The following KIF16B variants were observed in gnomAD, a reference collection of about 807,000 sequenced individuals.
KIF16B encodes kinesin-like protein KIF16B.
KIF16B carries 98 observed loss-of-function variants against 156.3 expected under a neutral mutation model. That is an observed-to-expected ratio of 0.63 (90% CI 0.53 to 0.74). The LOEUF is 0.74. KIF16B is among the 30% of genes least tolerant of loss of function. KIF16B has a pLI of 0.00. For synonymous variants in KIF16B, 564 were observed against 583.7 expected, an observed-to-expected ratio of 0.97 and a Z score of 0.49; for missense variants, 1,421 against 1,606.5, an observed-to-expected ratio of 0.88 and a Z score of 1.97.
At chr20:16,330,627 A>T (rs1345131710) in intron 24 of KIF16B, among the ~76,000 whole-genome samples, 2 of 152,252 alleles carry the variant, frequency 1.3e-5, no homozygotes, top group African/African-American at 4.8e-5. Context: ...GATTCTGGAA[A>T]CCTGATAAGG....
At position 16,456,003 on chromosome 20, in the gene KIF16B, T is replaced by C. The variant is rs899428009; in HGVS notation, c.1303-26021A>G. Among the ~76,000 whole-genome samples the C allele has an allele frequency of 2.6e-5, 4 of 152,174 alleles. No homozygotes were observed. The East Asian group carries it at 5.8e-4, about 22-fold the overall frequency. ...CCTTGACAACACCTGAGATTATACA[T>C]GGCAACTTGCTTTCTAGGGCGTTTC... On this transcript the variant is annotated intron_variant, in intron 12 of 25. Coordinates refer to ENST00000354981, the MANE Select transcript of KIF16B (RefSeq NM_024704.5).
intron 12 of KIF16B, among the ~76,000 whole-genome samples, chr20:16,441,950 T>A (rs1319249380): frequency 2.0e-5 from 3 of 152,200 alleles, no homozygotes; most frequent in African/African-American, 7.2e-5. Flanking sequence ...TGGAAAGATC[T>A]ATCTATATTA....
At chr20:16,475,948 C>A (rs1035405792) in intron 12 of KIF16B, among the ~76,000 whole-genome samples, 1 of 152,212 alleles carries the variant, frequency 6.6e-6, no homozygotes, top group East Asian at 1.9e-4. Context: ...AAACTAGCTA[C>A]AAGAAGACAT....
Position 16,367,592 on chromosome 20 carries a change from C to A in KIF16B, c.3498+2994G>T, listed in dbSNP as rs767223084. The A allele has an allele frequency of 2.0e-5, 32 of 1,612,724 alleles. No individual in the cohort carries two copies. In the African/African-American group the frequency reaches 4.0e-4, roughly 20 times the overall value. On this transcript the variant is annotated intron_variant, in intron 22 of 25. Transcript: ENST00000354981. ...ACTGTTGTGTAGAGCAGTAACTGAA[C>A]TTCTGCCAGGGAAGGGACATTGACT...
chr20:16,406,100 C>T (rs556960213), intron 16 of KIF16B, among the ~76,000 whole-genome samples: 1 of 152,220 alleles, frequency 6.6e-6, no homozygotes. Context: ...AAAATGATGC[C>T]CAGTTCCTTG....
chr20:16,309,584 C>T (rs941989822), intron 25 of KIF16B, among the ~76,000 whole-genome samples: 9 of 152,146 alleles, frequency 5.9e-5, no homozygotes, highest in African/African-American at 2.2e-4. Flanking sequence ...AAACATTTTA[C>T]ACTTTTTGCT....
intron 17 of KIF16B, among the ~76,000 whole-genome samples, chr20:16,396,654 T>G (rs1372096589): frequency 1.3e-5 from 2 of 150,678 alleles, no homozygotes; most frequent in Non-Finnish European, 1.5e-5. Context: ...GTCGCTTTTT[T>G]TTTTTTTTTT....
intron 1 of KIF16B, among the ~76,000 whole-genome samples, chr20:16,547,071 C>G (rs1190682592): frequency 6.6e-6 from 1 of 152,194 alleles, no homozygotes. Flanking sequence ...GCCACCGCAC[C>G]CAGCTTTCAC....
chr20:16,517,098 C>T (rs62199807), intron 3 of KIF16B, among the ~76,000 whole-genome samples: 36,246 of 152,072 alleles, frequency 0.24, 4,946 homozygotes, highest in East Asian at 0.36. Context: ...ATCTCAGCTG[C>T]ACCTCAACCA....
chr20:16,320,966 T>C (rs911199095), intron 24 of KIF16B, among the ~76,000 whole-genome samples: 5 of 152,154 alleles, frequency 3.3e-5, no homozygotes, highest in African/African-American at 1.2e-4. Context: ...AGTTCAGCAA[T>C]TTCTTCAGTT....
intron 1 of KIF16B, among the ~76,000 whole-genome samples, chr20:16,535,245 T>C (rs2069913496): frequency 6.6e-6 from 1 of 152,210 alleles, no homozygotes; most frequent in Admixed American, 6.5e-5. Flanking sequence ...AGTATTTTTC[T>C]TTGATAGCTA....
In KIF16B at chr20:16,505,800, C is replaced by G. The variant is rs373271206; in HGVS notation, c.922G>C (p.Val308Leu). ...GTCAACACAGAATCCCTGTAAGGCA[C>G]GAAAACTTGCTTCTTCTTTGCAAGA... Reference protein sequence around the residue: ...NTLAKKKQVFVPYRDSVLTWL... With the variant: ...NTLAKKKQVFLPYRDSVLTWL... The change falls in exon 9 of 26, where the codon GTG becomes CTG. Residue 308 changes from valine to leucine, a missense_variant. Physicochemically the swap from Val to Leu is conservative, Grantham distance 32 (BLOSUM62 1). Coordinates refer to ENST00000354981, the MANE Select transcript of KIF16B (RefSeq NM_024704.5). 8 of 1,613,736 alleles carry G rather than the reference C, an allele frequency of 5.0e-6. No homozygotes were observed. Among genetic ancestry groups the G allele is most frequent in the East Asian group, 2.2e-5 (1 of 44,862 alleles).
chr20:16,392,257 C>T (rs2065385533), intron 17 of KIF16B, among the ~76,000 whole-genome samples: 2 of 152,146 alleles, frequency 1.3e-5, no homozygotes, highest in African/African-American at 4.8e-5. Flanking sequence ...AAATCATTAA[C>T]TATTATTCTA....
At chr20:16,303,345 A>C (rs1601529903) in intron 25 of KIF16B, among the ~76,000 whole-genome samples, 1 of 152,354 alleles carries the variant, frequency 6.6e-6, no homozygotes, top group African/African-American at 2.4e-5. Context: ...AACTGAGGAC[A>C]TATTACAGAC....
chr20:16,365,603 T>C (rs2064646554), intron 22 of KIF16B, among the ~76,000 whole-genome samples: 1 of 151,954 alleles, frequency 6.6e-6, no homozygotes, highest in South Asian at 2.1e-4. Flanking sequence ...TAGAGGAAAA[T>C]AGGTGGGAAT....
chr20:16,331,241 T>G (rs149965564), intron 24 of KIF16B, among the ~76,000 whole-genome samples: 3 of 152,332 alleles, frequency 2.0e-5, no homozygotes, highest in Admixed American at 2.0e-4. Flanking sequence ...AATGAACATG[T>G]AATTTATTAT....
intron 17 of KIF16B, among the ~76,000 whole-genome samples, chr20:16,389,396 T>TG (rs933057129): frequency 1.5e-4 from 23 of 152,316 alleles, no homozygotes; most frequent in African/African-American, 5.3e-4. Context: ...AAAGAACTCC[T>TG]GGCCTTTTGC....
chr20:16,456,152 C>T (rs955881454), intron 12 of KIF16B, among the ~76,000 whole-genome samples: 3 of 149,232 alleles, frequency 2.0e-5, no homozygotes, highest in Admixed American at 6.7e-5. Flanking sequence ...CAATACAATA[C>T]AATACAGACA....
chr20:16,477,228 GA>G (rs1424479808), intron 12 of KIF16B, among the ~76,000 whole-genome samples: 3 of 147,040 alleles, frequency 2.0e-5, no homozygotes, highest in Non-Finnish European at 4.5e-5. Context: ...AAAAGGTGGG[GA>G]AGACAGTGAG....
Sources: gnomAD v4.1 joint callset for allele counts (sites outside exome capture counted in the v4.1 genomes callset) on GRCh38, gnomAD v4.1.1 for gene constraint, MANE v1.5 for transcripts, NCBI Gene and HGNC (gene_info 2026-07-23, HGNC 2026-07-21) for gene names.